PSMC6: variants seen among roughly 807,000 people sequenced by gnomAD.
The protein encoded by PSMC6 is proteasome 26S subunit, ATPase 6.
In PSMC6, 3 loss-of-function variants were observed where a neutral mutation model predicts 55.9. The observed-to-expected ratio is 0.05, with a 90% confidence interval of 0.02 to 0.14. The LOEUF is 0.14. Among genes scored for constraint, PSMC6 ranks in the 10% least tolerant of loss-of-function variants. The probability of loss-of-function intolerance (pLI) is 1.00; values close to 1 mark genes in which losing one functional copy is unlikely to be tolerated. For synonymous variants in PSMC6, 137 were observed against 155.9 expected, an observed-to-expected ratio of 0.88 and a Z score of 0.90; for missense variants, 210 against 478.7, an observed-to-expected ratio of 0.44 and a Z score of 5.24.
chr14:52,726,168 A>G (rs1880405052), intron 13 of PSMC6, among the ~76,000 whole-genome samples: 1 of 152,166 alleles, frequency 6.6e-6, no homozygotes, highest in African/African-American at 2.4e-5. Flanking sequence ...ATGAGTTAGG[A>G]TTATCTCAAA....
At chr14:52,721,976 C>T (rs1203116346) in intron 12 of PSMC6, 1 of 152,452 alleles carries the variant, frequency 6.6e-6, no homozygotes, top group African/African-American at 2.4e-5. Context: ...CCAGGCTGAT[C>T]TTGAACTACT....
chr14:52,718,970 A>G lies in PSMC6; in HGVS notation c.716-7A>G, dbSNP rs937992564. 1.9e-6 allele frequency: 3 copies of G among 1,604,882 alleles called. No homozygotes were observed. Among genetic ancestry groups the G allele is most frequent in the Non-Finnish European group, 1.7e-6 (2 of 1,171,678 alleles). On this transcript the variant is annotated splice_polypyrimidine_tract_variant and splice_region_variant and intron_variant, in intron 9 of 13. Transcript: ENST00000445930. ...ATGCATATAAATTTCCAAATCTACT[A>G]TCTTAGGTGGTCGTCGGTTTTCTGA...
chr14:52,720,761 C>A, intron 10 of PSMC6, 100 bp from the exon 11 acceptor site: 1 of 925,688 alleles, frequency 1.1e-6, no homozygotes, highest in Non-Finnish European at 1.6e-6. Context: ...ACATATCTAT[C>A]TGTAGACAAT....
intron 13 of PSMC6, 90 bp from the exon 14 acceptor site, chr14:52,727,409 A>T: frequency 1.1e-6 from 1 of 874,450 alleles, no homozygotes; most frequent in Non-Finnish European, 1.7e-6. Context: ...TAAGCTTCAC[A>T]TTTATTCCAT....
rs773800840 is a variant in PSMC6 at position 52,713,957 on chromosome 14, A to G, written c.518A>G (p.Tyr173Cys). The change falls in exon 7 of 14, where the codon TAT becomes TGT. Residue 173 changes from tyrosine (Y) to cysteine (C), a missense_variant. Physicochemically the swap from Tyr to Cys is radical, Grantham distance 194 (BLOSUM62 -2). Coordinates refer to ENST00000445930, the MANE Select transcript of PSMC6 (RefSeq NM_002806.5). ...GIIPPKGCLL[Y>C]GPPGTGKTLL... Reference sequence around the variant, plus strand: ...ATACCTCCAAAAGGCTGTTTGTTATATGGACCACCAGGTTGGTATTGAATT... The same window carrying G: ...ATACCTCCAAAAGGCTGTTTGTTATGTGGACCACCAGGTTGGTATTGAATT... 3 of 1,574,342 alleles carry G rather than the reference A, an allele frequency of 1.9e-6. No homozygotes were observed. Among genetic ancestry groups the G allele is most frequent in the Non-Finnish European group, 2.6e-6 (3 of 1,148,314 alleles).
intron 2 of PSMC6, 35 bp from the exon 3 acceptor site, chr14:52,708,448 T>C (rs1343928674): frequency 6.2e-7 from 1 of 1,613,612 alleles, no homozygotes; most frequent in Admixed American, 1.7e-5. Context: ...ATTTAGCTGT[T>C]GCCAAAAAGT....
chr14:52,717,924 A>G (rs1403376178), intron 7 of PSMC6, among the ~76,000 whole-genome samples, 157 bp from the exon 8 acceptor site: 1 of 152,052 alleles, frequency 6.6e-6, no homozygotes, highest in Non-Finnish European at 1.5e-5. Flanking sequence ...GCTACTTGGG[A>G]GGCTGAGGTG....
chr14:52,708,587 G>A, intron 3 of PSMC6, 65 bp downstream of exon 3: 2 of 1,558,690 alleles, frequency 1.3e-6, no homozygotes, highest in South Asian at 2.3e-5. Flanking sequence ...CTTTTGAAAT[G>A]CTTATTATTT....
intron 3 of PSMC6, 68 bp downstream of exon 3, chr14:52,708,590 T>C: frequency 6.4e-7 from 1 of 1,554,228 alleles, no homozygotes; most frequent in South Asian, 1.1e-5. Context: ...TTGAAATGCT[T>C]ATTATTTTAA....
At chr14:52,707,651 G>A in intron 1 of PSMC6, 1 of 267,896 alleles carries the variant, frequency 3.7e-6, no homozygotes, top group East Asian at 1.0e-4. Context: ...AGGCGCTTGA[G>A]TCAAGTAAGC....
At chr14:52,726,358 A>G (rs967340016) in intron 13 of PSMC6, among the ~76,000 whole-genome samples, 1 of 152,228 alleles carries the variant, frequency 6.6e-6, no homozygotes, top group Admixed American at 6.5e-5. Context: ...AATTAGGTAA[A>G]TTTTAACACA....
At chr14:52,713,996 C>A in intron 7 of PSMC6, 28 bp downstream of exon 7, 2 of 1,251,870 alleles carry the variant, frequency 1.6e-6, no homozygotes, top group Admixed American at 2.3e-5. Flanking sequence ...TCTACTCCAC[C>A]AATAAGATAA....
chr14:52,713,056 C>T (rs1275244994), intron 6 of PSMC6, among the ~76,000 whole-genome samples: 1 of 152,078 alleles, frequency 6.6e-6, no homozygotes, highest in East Asian at 1.9e-4. Flanking sequence ...TACAGTGAAA[C>T]CCCATCTCTT....
At chr14:52,713,261 ATAAG>A (rs1241991922) in intron 6 of PSMC6, among the ~76,000 whole-genome samples, 3 of 152,326 alleles carry the variant, frequency 2.0e-5, no homozygotes, top group Middle Eastern at 3.4e-3. Context: ...TACTGGTACT[ATAAG>A]TAATTTAAAT....
At chr14:52,713,192 T>A (rs1450788088) in intron 6 of PSMC6, among the ~76,000 whole-genome samples, 2 of 152,094 alleles carry the variant, frequency 1.3e-5, no homozygotes, top group East Asian at 3.9e-4. Flanking sequence ...ATCATGCCAT[T>A]GCACTCCAGC....
At chr14:52,727,098 G>A (rs949454891) in intron 13 of PSMC6, among the ~76,000 whole-genome samples, 2 of 131,826 alleles carry the variant, frequency 1.5e-5, no homozygotes, top group African/African-American at 2.9e-5. Context: ...TCAGCTCACT[G>A]CAACCTCCGC....
intron 7 of PSMC6, among the ~76,000 whole-genome samples, chr14:52,717,440 A>G (rs2041842143): frequency 6.7e-6 from 1 of 148,586 alleles, no homozygotes. Flanking sequence ...GATTCAAGCG[A>G]TTCTCCTGCC....
At chr14:52,724,787 A>T (rs1880336402) in intron 13 of PSMC6, among the ~76,000 whole-genome samples, 1 of 152,232 alleles carries the variant, frequency 6.6e-6, no homozygotes, top group Admixed American at 6.5e-5. Context: ...TTCCATACAG[A>T]ATCTTTAAAT....
chr14:52,708,823 C>T lies in PSMC6; in HGVS notation c.258+7C>T. On this transcript the variant is annotated splice_region_variant and intron_variant, in intron 4 of 13. Coordinates refer to ENST00000445930, the MANE Select transcript of PSMC6 (RefSeq NM_002806.5). ...TGTGGGTTGTCGTCGACAGGTAATA[C>T]TTTATATTTGTATAGTGCCTGATGA... The T allele has an allele frequency of 6.2e-7, 1 of 1,613,326 alleles. No homozygotes were observed. Among genetic ancestry groups the T allele is most frequent in the Non-Finnish European group, 8.5e-7 (1 of 1,179,720 alleles).
Sources: gnomAD v4.1 joint callset for allele counts (sites outside exome capture counted in the v4.1 genomes callset) on GRCh38, gnomAD v4.1.1 for gene constraint, MANE v1.5 for transcripts, NCBI Gene and HGNC (gene_info 2026-07-23, HGNC 2026-07-21) for gene names.